The following FCRL5 variants were observed in gnomAD, a reference collection of about 807,000 sequenced individuals.
FCRL5 encodes Fc receptor like 5, also known as Fc receptor-like protein 5.
Under a neutral mutation model 92.1 loss-of-function variants are expected in FCRL5, and 79 were observed. That is an observed-to-expected ratio of 0.86 (90% CI 0.72 to 1.03). The LOEUF is 1.03. Ranked by LOEUF, FCRL5 falls within the 50% of genes least tolerant of loss-of-function variation. The pLI is 0.00. For synonymous variants in FCRL5, 466 were observed against 469.3 expected, an observed-to-expected ratio of 0.99 and a Z score of 0.09; for missense variants, 1,160 against 1,181.1, an observed-to-expected ratio of 0.98 and a Z score of 0.26.
intron 8 of FCRL5, 44 bp downstream of exon 8, chr1:157,534,570 G>T (rs1650857083): frequency 6.2e-7 from 1 of 1,611,462 alleles, no homozygotes; most frequent in South Asian, 1.1e-5. Context: ...GGGTGAGAGA[G>T]AACTCAGCCA....
chr1:157,520,391 G>T, intron 12 of FCRL5, 40 bp downstream of exon 12: 1 of 1,399,826 alleles, frequency 7.1e-7, no homozygotes. Context: ...TTGCTGGGAA[G>T]GGCATGAACT....
chr1:157,548,940 T>C (rs1267487057), intron 2 of FCRL5, among the ~76,000 whole-genome samples: 1 of 152,082 alleles, frequency 6.6e-6, no homozygotes, highest in Non-Finnish European at 1.5e-5. Context: ...ACCAGGTATA[T>C]AACCAATGGA....
intron 7 of FCRL5, among the ~76,000 whole-genome samples, 189 bp from the exon 8 acceptor site, chr1:157,535,081 T>G (rs1355958884): frequency 6.6e-6 from 1 of 152,212 alleles, no homozygotes; most frequent in Non-Finnish European, 1.5e-5. Flanking sequence ...CTGTTCATCT[T>G]TCCAGGAGAC....
chr1:157,516,087 C>A, intron 15 of FCRL5: 1 of 637,074 alleles, frequency 1.6e-6, no homozygotes, highest in East Asian at 2.7e-5. Flanking sequence ...AACTCCCCTT[C>A]ACACTTTGTG....
intron 9 of FCRL5, among the ~76,000 whole-genome samples, chr1:157,526,271 G>A (rs1172628605): frequency 6.6e-6 from 1 of 152,196 alleles, no homozygotes; most frequent in Non-Finnish European, 1.5e-5. Context: ...ATGGCCATTG[G>A]ATTTAAAGCC....
chr1:157,550,062 G>T (rs1345173989), intron 1 of FCRL5, among the ~76,000 whole-genome samples: 1 of 152,060 alleles, frequency 6.6e-6, no homozygotes, highest in Admixed American at 6.6e-5. Flanking sequence ...ACATGAGTCT[G>T]CAGGTGGATG....
intron 6 of FCRL5, among the ~76,000 whole-genome samples, chr1:157,539,830 T>C (rs1192478936): frequency 1.3e-5 from 2 of 152,238 alleles, no homozygotes; most frequent in Non-Finnish European, 2.9e-5. Context: ...CACATGTAAA[T>C]TGTGTATTCT....
At chr1:157,545,258 A>G (rs752655461) in intron 3 of FCRL5, among the ~76,000 whole-genome samples, 176 bp from the exon 4 acceptor site, 3 of 152,232 alleles carry the variant, frequency 2.0e-5, no homozygotes, top group Non-Finnish European at 4.4e-5. Flanking sequence ...AGAAAAGTTG[A>G]AAAGCAGAAA....
In FCRL5 at chr1:157,547,033, T is replaced by C. The variant is rs149292734; in HGVS notation, c.217A>G (p.Asn73Asp). The C allele has an allele frequency of 3.6e-4, 576 of 1,614,186 alleles. No homozygotes were observed. The highest frequency in any genetic ancestry group is 4.3e-4 in the Non-Finnish European group (506 of 1,180,036). The part of the protein sequence containing the change: ...GKEILRETPD[N>D]ILEVQESGEY... ...CCAGATTCCTGAACCTCAAGGATAT[T>C]GTCTGGGGTTTCTCTTAGTATTTCT... is the stretch of plus-strand genomic sequence containing the variant. The change falls in exon 3 of 17, where the codon AAT becomes GAT. Residue 73 changes from asparagine to aspartate, a missense_variant. By Grantham distance (23) the Asn-to-Asp change is conservative. Coordinates refer to ENST00000361835, the MANE Select transcript of FCRL5 (RefSeq NM_031281.3).
Position 157,546,475 on chromosome 1 carries a change from C to G in FCRL5, c.307+468G>C, listed in dbSNP as rs371750175. Among the ~76,000 whole-genome samples the G allele has an allele frequency of 1.8e-3, 267 of 151,956 alleles. 1 individual carries two copies. Among genetic ancestry groups the G allele is most frequent in the African/African-American group, 5.6e-3 (233 of 41,440 alleles). Reference sequence around the variant, plus strand: ...AAAACCAAACCAAACCAAACCAAACCAAACCAAACCAAACCAAACCAAACC... The same window carrying G: ...AAAACCAAACCAAACCAAACCAAACGAAACCAAACCAAACCAAACCAAACC... On this transcript the variant is annotated intron_variant, in intron 3 of 16. Coordinates refer to ENST00000361835, the MANE Select transcript of FCRL5 (RefSeq NM_031281.3).
chr1:157,517,202 T>C (rs902003143), intron 15 of FCRL5, among the ~76,000 whole-genome samples: 2 of 152,166 alleles, frequency 1.3e-5, no homozygotes, highest in South Asian at 2.1e-4. Flanking sequence ...GTTGATGACA[T>C]AGCCAGACCT....
chr1:157,526,601 G>A (rs1650438755), intron 9 of FCRL5, among the ~76,000 whole-genome samples: 1 of 152,154 alleles, frequency 6.6e-6, no homozygotes. Context: ...GAAATCTGGA[G>A]ACCAGATGGA....
chr1:157,523,256 T>C (rs942031293), intron 10 of FCRL5, among the ~76,000 whole-genome samples: 5 of 152,226 alleles, frequency 3.3e-5, no homozygotes, highest in African/African-American at 1.2e-4. Context: ...TGGTCTCGTG[T>C]TTCTCCAGGA....
Position 157,528,050 on chromosome 1 carries a change from T to C in FCRL5, c.1682-155A>G, listed in dbSNP as rs186633269. 2,061 of 839,124 alleles carry C rather than the reference T, an allele frequency of 2.5e-3. 8 individuals are homozygous for C. Among genetic ancestry groups the C allele is most frequent in the Non-Finnish European group, 1.9e-3 (1,092 of 571,856 alleles). The allele number at this position is 839,124 out of a possible 1,614,324, so 52.0% of individuals were successfully genotyped here. On this transcript the variant is annotated intron_variant, in intron 8 of 16. Coordinates refer to ENST00000361835, the MANE Select transcript of FCRL5 (RefSeq NM_031281.3). ...TTGTTGCTGTTCACTGATGACATGA[T>C]TGTATACCTAGGAAACCCTAAAGAC...
intron 2 of FCRL5, 22 bp from the exon 3 acceptor site, chr1:157,547,219 A>G: frequency 6.2e-7 from 1 of 1,611,988 alleles, no homozygotes; most frequent in Non-Finnish European, 8.5e-7. Context: ...AGAGAAAAGG[A>G]GTCTGAGGTG....
Position 157,515,256 on chromosome 1 carries a change from C to A in FCRL5, c.*419G>T. On this transcript the variant is annotated 3_prime_UTR_variant, in exon 17 of 17. Transcript: ENST00000361835. ...AATTGAGAAATGCATCCACCCAAAG[C>A]AGGAACTCTGTGTCGGAGTTTAGGA... 3.6e-6 allele frequency: 1 copy of A among 276,632 alleles called. No homozygotes were observed. The highest frequency in any genetic ancestry group is 4.4e-5 in the South Asian group (1 of 22,496). 17.1% of individuals were successfully genotyped at this position (276,632 alleles called of 1,614,324 possible).
intron 13 of FCRL5, 70 bp from the exon 14 acceptor site, chr1:157,518,852 G>A (rs540733896): frequency 7.7e-7 from 1 of 1,297,558 alleles, no homozygotes; most frequent in African/African-American, 1.5e-5. Context: ...CACTCCTAGT[G>A]AGTGACTTCT....
chr1:157,517,447 A>T (rs923050058), intron 15 of FCRL5, among the ~76,000 whole-genome samples: 1 of 152,192 alleles, frequency 6.6e-6, no homozygotes, highest in Non-Finnish European at 1.5e-5. Flanking sequence ...TAGGGAGATT[A>T]TTCTGGGTTA....
intron 1 of FCRL5, among the ~76,000 whole-genome samples, chr1:157,551,081 G>T (rs998271142): frequency 1.3e-5 from 2 of 152,154 alleles, no homozygotes; most frequent in Non-Finnish European, 2.9e-5. Flanking sequence ...TAATATTTTT[G>T]TGAGTGGTTT....
Sources: gnomAD v4.1 joint callset for allele counts (sites outside exome capture counted in the v4.1 genomes callset) on GRCh38, gnomAD v4.1.1 for gene constraint, MANE v1.5 for transcripts, NCBI Gene and HGNC (gene_info 2026-07-23, HGNC 2026-07-21) for gene names.